CDH13: variants seen among roughly 807,000 people sequenced by gnomAD.
The protein encoded by CDH13 is cadherin-13.
In CDH13, 24 loss-of-function variants were observed where a neutral mutation model predicts 63.8. The ratio of observed to expected loss-of-function variants is 0.38; its 90% CI spans 0.27 to 0.53. The LOEUF is 0.53. CDH13 is among the 20% of genes least tolerant of loss of function. The pLI, the probability that CDH13 is intolerant of heterozygous loss-of-function variation, is 0.85. For synonymous variants in CDH13, 503 were observed against 355.3 expected (o/e 1.42, Z -4.67); for missense variants, 1,049 against 903.1 (o/e 1.16, Z -2.07).
chr16:83,476,917 A>T (rs2073621350), intron 6 of CDH13, among the ~76,000 whole-genome samples: 1 of 152,236 alleles, frequency 6.6e-6, no homozygotes, highest in South Asian at 2.1e-4. Context: ...TTTCAAAAAG[A>T]ACTTCATGGG....
intron 7 of CDH13, among the ~76,000 whole-genome samples, chr16:83,529,832 T>C (rs902050869): frequency 6.6e-6 from 1 of 152,188 alleles, no homozygotes; most frequent in Non-Finnish European, 1.5e-5. Context: ...GGTCAGGTGA[T>C]TATGGAGCGC....
intron 1 of CDH13, among the ~76,000 whole-genome samples, chr16:82,660,466 A>G (rs1420567758): frequency 1.3e-5 from 2 of 152,186 alleles, no homozygotes; most frequent in Non-Finnish European, 2.9e-5. Flanking sequence ...AAGAGGGAGC[A>G]CCAGTTGGTG....
At chr16:83,368,980 C>G (rs2091311172) in intron 6 of CDH13, among the ~76,000 whole-genome samples, 1 of 118,176 alleles carries the variant, frequency 8.5e-6, no homozygotes, top group Non-Finnish European at 1.7e-5. Context: ...GGGCACTTGG[C>G]CTGGTTCCAT....
chr16:82,937,275 G>A (rs1190844128), intron 2 of CDH13, among the ~76,000 whole-genome samples: 1 of 152,078 alleles, frequency 6.6e-6, no homozygotes, highest in Non-Finnish European at 1.5e-5. Context: ...TCACAATCAG[G>A]TTTCCAAAGC....
At chr16:83,208,054 C>T (rs1315994246) in intron 4 of CDH13, among the ~76,000 whole-genome samples, 3 of 152,132 alleles carry the variant, frequency 2.0e-5, no homozygotes, top group South Asian at 2.1e-4. Flanking sequence ...TTAGCGCCTT[C>T]CCTGGGATGA....
chr16:82,731,241 C>G (rs2033388352), intron 1 of CDH13, among the ~76,000 whole-genome samples: 1 of 152,188 alleles, frequency 6.6e-6, no homozygotes, highest in Non-Finnish European at 1.5e-5. Flanking sequence ...ACCGAACCCT[C>G]TGTTGCAATT....
chr16:83,661,956 C>G (rs1913482070), intron 8 of CDH13, among the ~76,000 whole-genome samples: 1 of 152,168 alleles, frequency 6.6e-6, no homozygotes, highest in Non-Finnish European at 1.5e-5. Context: ...TTCATTTTCT[C>G]TCTCAGTGGA....
chr16:83,588,747 A>T (rs1451281538), intron 7 of CDH13, among the ~76,000 whole-genome samples: 1 of 152,230 alleles, frequency 6.6e-6, no homozygotes, highest in East Asian at 1.9e-4. Context: ...TCTGGTTGAC[A>T]TCACACTTCA....
intron 6 of CDH13, among the ~76,000 whole-genome samples, chr16:83,388,105 G>C (rs1466683843): frequency 6.6e-6 from 1 of 151,956 alleles, no homozygotes; most frequent in African/African-American, 2.4e-5. Context: ...GCTGTACTTG[G>C]CTGGCAGGTT....
intron 4 of CDH13, among the ~76,000 whole-genome samples, chr16:83,159,745 A>G (rs942875798): frequency 1.3e-5 from 2 of 152,182 alleles, no homozygotes; most frequent in Non-Finnish European, 2.9e-5. Context: ...AAGCATATAA[A>G]ACTGTACCAC....
At chr16:83,450,589 G>A (rs985445070) in intron 6 of CDH13, among the ~76,000 whole-genome samples, 1 of 152,180 alleles carries the variant, frequency 6.6e-6, no homozygotes, top group Non-Finnish European at 1.5e-5. Flanking sequence ...TGATAAAGAG[G>A]GCCAGGGGCG....
At chr16:82,897,498 A>C (rs1173188135) in intron 2 of CDH13, among the ~76,000 whole-genome samples, 1 of 152,212 alleles carries the variant, frequency 6.6e-6, no homozygotes, top group Non-Finnish European at 1.5e-5. Context: ...CTGAGAATTT[A>C]TCTGTACTGT....
intron 1 of CDH13, among the ~76,000 whole-genome samples, chr16:82,784,519 A>G (rs564383032): frequency 6.6e-6 from 1 of 152,296 alleles, no homozygotes; most frequent in Non-Finnish European, 1.5e-5. Flanking sequence ...TGTGCCCTAC[A>G]TTGTCCTAGG....
chr16:83,375,779 G>A (rs1038105301), intron 6 of CDH13, among the ~76,000 whole-genome samples: 1 of 152,130 alleles, frequency 6.6e-6, no homozygotes, highest in Non-Finnish European at 1.5e-5. Flanking sequence ...CAGGAAGAAT[G>A]AACCTGTATA....
chr16:83,786,972 T>C (rs920951937), intron 13 of CDH13, among the ~76,000 whole-genome samples: 2 of 152,200 alleles, frequency 1.3e-5, no homozygotes, highest in Non-Finnish European at 2.9e-5. Context: ...TTATTTTCTG[T>C]TCTCTCTCCT....
At chr16:83,001,874 A>G (rs1229846039) in intron 2 of CDH13, among the ~76,000 whole-genome samples, 2 of 152,204 alleles carry the variant, frequency 1.3e-5, no homozygotes, top group African/African-American at 2.4e-5. Context: ...AGAATGTGCA[A>G]TTACTATCTC....
chr16:82,841,068 A>G (rs913103228), intron 1 of CDH13, among the ~76,000 whole-genome samples: 1 of 152,280 alleles, frequency 6.6e-6, no homozygotes, highest in African/African-American at 2.4e-5. Context: ...TGCTGGGGAC[A>G]CATGGGATGC....
At chr16:82,697,608 T>C (rs1226014930) in intron 1 of CDH13, among the ~76,000 whole-genome samples, 1 of 151,736 alleles carries the variant, frequency 6.6e-6, no homozygotes, top group Admixed American at 6.6e-5. Context: ...TTTTGTGTTT[T>C]TAGTAGAGAC....
At chr16:82,694,939 C>A (rs138325668) in intron 1 of CDH13, among the ~76,000 whole-genome samples, 2 of 152,240 alleles carry the variant, frequency 1.3e-5, no homozygotes, top group African/African-American at 2.4e-5. Context: ...GGGAAGCCTT[C>A]TCTGATTATA....
Sources: allele counts gnomAD v4.1 joint callset (sites outside exome capture counted in the v4.1 genomes callset), GRCh38; gene constraint gnomAD v4.1.1; transcripts MANE v1.5; gene names NCBI Gene and HGNC (gene_info 2026-07-23, HGNC 2026-07-21).